Variants in OFD1 observed in about 807,000 individuals in gnomAD.
The protein encoded by OFD1 is centriole and centriolar satellite protein OFD1.
Under a neutral mutation model 81.4 loss-of-function variants are expected in OFD1, and 12 were observed. The ratio of observed to expected loss-of-function variants is 0.15; its 90% CI spans 0.09 to 0.24. The LOEUF is 0.24. OFD1 is among the 10% of genes least tolerant of loss of function. The pLI, the probability that OFD1 is intolerant of heterozygous loss-of-function variation, is 1.00. For missense variants in OFD1, 685 were observed against 733.9 expected (o/e 0.93, Z 0.77); for synonymous variants, 256 against 263.7 (o/e 0.97, Z 0.28).
In OFD1 at chrX:13,746,783, A is replaced by G; in HGVS notation, c.658A>G (p.Lys220Glu). ...QLRAEMCQKL[K>E]FFKDTEIAKI... is the part of the protein sequence containing the mutation. ...ATTTTTTGTGATCAATTTGCAGTTG[A>G]AGTTTTTTAAAGATACCGAGATAGC... The change falls in exon 8 of 23, where the codon AAG becomes GAG. Residue 220 changes from lysine (K) to glutamate (E), a missense_variant. Transcript: ENST00000340096. The G allele has an allele frequency of 8.4e-7, 1 of 1,191,985 alleles. No homozygotes were observed. Among genetic ancestry groups the G allele is most frequent in the South Asian group, 1.8e-5 (1 of 55,387 alleles).
chrX:13,772,162 G>GT (rs1330681156), downstream of OFD1: 2 of 112,607 alleles, frequency 1.8e-5, no homozygotes, highest in Admixed American at 1.9e-4. Context: ...AATTGGATCA[G>GT]TATTTTGTTA....
Position 13,755,215 on chromosome X carries a change from A to G in OFD1, c.1194A>G (p.Gln398=), listed in dbSNP as rs777485551. ...AINSKKEELN[Q]SVNRVKELEL... Reference sequence around the variant, plus strand: ...ATTCAAAAAAGGAGGAACTCAATCAATCTGTAAATCGTGTGAAAGAACTTG... The same window carrying G: ...ATTCAAAAAAGGAGGAACTCAATCAGTCTGTAAATCGTGTGAAAGAACTTG... The change falls in exon 12 of 23, where the codon CAA becomes CAG. Residue 398 remains glutamine (Q), a synonymous_variant. Coordinates refer to ENST00000340096, the MANE Select transcript of OFD1 (RefSeq NM_003611.3). The G allele has an allele frequency of 5.8e-6, 7 of 1,196,995 alleles. No individual in the cohort carries two copies. Among genetic ancestry groups the G allele is most frequent in the South Asian group, 3.5e-5 (2 of 56,692 alleles).
rs1194820611 is a variant in OFD1 at position 13,767,172 on chromosome X, T to C, written c.2645T>C (p.Ile882Thr). 3.3e-6 allele frequency: 4 copies of C among 1,209,034 alleles called. No individual in the cohort carries two copies. In the South Asian group the frequency reaches 7.0e-5, roughly 21 times the overall value. The change falls in exon 20 of 23, where the codon ATA becomes ACA. Residue 882 changes from isoleucine to threonine, a missense_variant. Around this residue, in one of 3 missense-constraint regions of OFD1, gnomAD observed 259 missense variants for 254.4 expected, o/e 1.02. Transcript: ENST00000340096. ...QIEEQKEEEK[I>T]REQQVKERRQ... ...GAAGAACAAAAGGAAGAAGAAAAAATACGGGAACAGCAAGTGAAAGAACGA... is the reference window on the plus strand; with the variant it reads ...GAAGAACAAAAGGAAGAAGAAAAAACACGGGAACAGCAAGTGAAAGAACGA...
At chrX:13,722,947 C>T in the OFD1 span, among the ~76,000 whole-genome samples, 2 of 110,094 alleles carry the variant, frequency 1.8e-5, no homozygotes, top group Non-Finnish European at 3.8e-5. Flanking sequence ...CCTGTAGTCC[C>T]AGCTACTCGG....
At chrX:13,728,690 C>T in the OFD1 span, among the ~76,000 whole-genome samples, 1 of 112,087 alleles carries the variant, frequency 8.9e-6, no homozygotes, top group Non-Finnish European at 1.9e-5. Context: ...AAAACTGGCA[C>T]AAGACAAGGA....
Position 13,760,290 on chromosome X carries a change from T to G in OFD1, c.1830T>G (p.Asn610Lys). The change falls in exon 16 of 23, where the codon AAT becomes AAG. Residue 610 changes from asparagine (N) to lysine (K), a missense_variant. By Grantham distance (94) the Asn-to-Lys change is moderately conservative (BLOSUM62 0). Around this residue, in one of 3 missense-constraint regions of OFD1, gnomAD observed 414 missense variants for 447.2 expected, o/e 0.93. Coordinates refer to ENST00000340096, the MANE Select transcript of OFD1 (RefSeq NM_003611.3). ...LARMVASRIT[N>K]YPTAWVEGSS... ...GTATGGTTGCATCAAGGATCACAAA[T>G]TATCCAACTGCATGGGTGGAGGGTA... is the stretch of plus-strand genomic sequence containing the variant. The G allele has an allele frequency of 2.5e-6, 3 of 1,211,769 alleles. No individual in the cohort carries two copies. In the Middle Eastern group the frequency reaches 6.9e-4, roughly 278 times the overall value.
chrX:13,716,299 C>T, the OFD1 span: 5 of 557,348 alleles, frequency 9.0e-6, no homozygotes, highest in South Asian at 1.7e-4. Flanking sequence ...AGTAAAATCA[C>T]CCTTGATAGG....
intron 15 of OFD1, among the ~76,000 whole-genome samples, chrX:13,759,463 G>A (rs1243802954): frequency 8.9e-6 from 1 of 112,054 alleles, no homozygotes; most frequent in Non-Finnish European, 1.9e-5. Flanking sequence ...CAGGAGAGAG[G>A]GGCAGGTGCA....
intron 15 of OFD1, among the ~76,000 whole-genome samples, chrX:13,758,790 C>T (rs1450063254): frequency 9.0e-6 from 1 of 111,198 alleles, no homozygotes; most frequent in Non-Finnish European, 1.9e-5. Context: ...TTACGGATTC[C>T]TTGATAGATA....
At chrX:13,740,746 T>C (rs1224044048) in intron 5 of OFD1, among the ~76,000 whole-genome samples, 1 of 104,289 alleles carries the variant, frequency 9.6e-6, no homozygotes, top group East Asian at 3.0e-4. Context: ...TGAGCCAAGA[T>C]AGCGCCACTG....
chrX:13,740,204 G>A, intron 5 of OFD1: 2 of 931,523 alleles, frequency 2.1e-6, no homozygotes, highest in South Asian at 4.0e-5. Context: ...CTCTACTGAA[G>A]TTCAGTATGG....
At chrX:13,727,844 G>C in the OFD1 span, among the ~76,000 whole-genome samples, 84 of 111,728 alleles carry the variant, frequency 7.5e-4, no homozygotes, top group East Asian at 0.016. Context: ...AAAATTGATA[G>C]ACCACTAGCA....
intron 11 of OFD1, 55 bp from the exon 12 acceptor site, chrX:13,755,096 T>A: frequency 1.1e-6 from 1 of 894,208 alleles, no homozygotes; most frequent in Non-Finnish European, 1.6e-6. Flanking sequence ...ATTAAATGGC[T>A]TTTGTATTCA....
chrX:13,739,058 ACAG>A (rs1290284981), intron 5 of OFD1, 26 bp downstream of exon 5: 2 of 1,181,300 alleles, frequency 1.7e-6, no homozygotes, highest in South Asian at 3.6e-5. Context: ...TTTGTAGAGA[ACAG>A]CAACAGTTTT....
chrX:13,737,506 C>T (rs1381850267), intron 3 of OFD1, among the ~76,000 whole-genome samples: 1 of 109,638 alleles, frequency 9.1e-6, no homozygotes, highest in East Asian at 2.9e-4. Flanking sequence ...CCACTGTCAA[C>T]ATCTTGCATC....
chrX:13,728,918 T>C, the OFD1 span, among the ~76,000 whole-genome samples: 1 of 111,880 alleles, frequency 8.9e-6, no homozygotes, highest in Admixed American at 9.5e-5. Flanking sequence ...GGATACAAAA[T>C]CAATATGCAA....
intron 6 of OFD1, among the ~76,000 whole-genome samples, chrX:13,745,446 T>G (rs1056668297): frequency 8.9e-6 from 1 of 112,576 alleles, no homozygotes; most frequent in Non-Finnish European, 1.9e-5. Context: ...CTTTGAAATC[T>G]CATGTGTTTT....
At chrX:13,741,208 G>A (rs1304531385) in intron 5 of OFD1, among the ~76,000 whole-genome samples, 1 of 112,049 alleles carries the variant, frequency 8.9e-6, no homozygotes, top group Non-Finnish European at 1.9e-5. Flanking sequence ...CTGGCCGACA[G>A]CCCTTACCAG....
Position 13,735,426 on chromosome X carries a change from GT to G in OFD1, c.111+84del, listed in dbSNP as rs1364846085. ...TAGTTCAAATTCAATCAAGGTTTAGGTTTTAATAATCGTATGATACATAGAT... is the reference window on the plus strand; with the variant it reads ...TAGTTCAAATTCAATCAAGGTTTAGGTTTAATAATCGTATGATACATAGAT... On this transcript the variant is annotated intron_variant, in intron 2 of 22. Transcript: ENST00000340096. 3 of 726,232 alleles carry G rather than the reference GT, an allele frequency of 4.1e-6. No individual in the cohort carries two copies. The African/African-American group carries it at 6.3e-5, about 15-fold the overall frequency. 59.8% of individuals were successfully genotyped at this position (726,232 alleles called of 1,213,427 possible).
Sources: gnomAD v4.1 joint callset for allele counts (sites outside exome capture counted in the v4.1 genomes callset) on GRCh38, gnomAD v4.1.1 for gene constraint, gnomAD v4.1.1 regional missense constraint, MANE v1.5 for transcripts, NCBI Gene and HGNC (gene_info 2026-07-23, HGNC 2026-07-21) for gene names.